WDR49: variants seen among roughly 807,000 people sequenced by gnomAD.
WDR49 encodes WD repeat domain 49, also known as cilia- and flagella-associated protein 337.
In WDR49, 107 loss-of-function variants were observed where a neutral mutation model predicts 119.5. That is an observed-to-expected ratio of 0.90 (90% confidence interval 0.77 to 1.05). The LOEUF (loss-of-function observed/expected upper bound fraction) is 1.05. WDR49 is among the 50% of genes least tolerant of loss of function. The pLI is 0.00. For synonymous variants in WDR49, 425 were observed against 418.8 expected, an observed-to-expected ratio of 1.01 and a Z score of -0.18; for missense variants, 1,240 against 1,220.5, an observed-to-expected ratio of 1.02 and a Z score of -0.24.
chr3:167,597,981 AC>A (rs1339589938), intron 7 of WDR49, among the ~76,000 whole-genome samples: 3 of 151,958 alleles, frequency 2.0e-5, no homozygotes, highest in Non-Finnish European at 4.4e-5. Context: ...ACTTTGGGGG[AC>A]CATGATGGGG....
intron 7 of WDR49, among the ~76,000 whole-genome samples, chr3:167,598,553 T>A (rs1331364665): frequency 6.6e-6 from 1 of 152,138 alleles, no homozygotes; most frequent in African/African-American, 2.4e-5. Flanking sequence ...CCCACCCCAC[T>A]CTCTTTCTCC....
chr3:167,573,391 TACACACAC>T lies in WDR49; in HGVS notation c.1509+2519_1509+2526del, dbSNP rs57955643. Among the ~76,000 whole-genome samples the T allele has an allele frequency of 9.3e-3, 1,326 of 142,356 alleles. 20 individuals are homozygous for T. Among genetic ancestry groups the T allele is most frequent in the African/African-American group, 0.031 (1,208 of 38,862 alleles). The allele number at this position is 142,356 out of a possible 152,430, so 93.4% of individuals were successfully genotyped here. ...AGAATCCAAATAGCTTTATGTGGAA[TACACACAC>T]ACACACACACACACACACACACACA... On this transcript the variant is annotated intron_variant, in intron 8 of 18. Transcript: ENST00000682715.
intron 16 of WDR49, among the ~76,000 whole-genome samples, chr3:167,517,714 T>C (rs1340209660): frequency 2.0e-5 from 3 of 148,604 alleles, no homozygotes; most frequent in African/African-American, 7.7e-5. Context: ...TTTTTTTTTC[T>C]TTTCTTTTCT....
chr3:167,508,917 A>T (rs764976280), intron 16 of WDR49, among the ~76,000 whole-genome samples: 33 of 152,202 alleles, frequency 2.2e-4, no homozygotes, highest in Non-Finnish European at 3.8e-4. Context: ...TCTCACATGA[A>T]ATCTACTGAC....
At position 167,554,639 on chromosome 3, in the gene WDR49, C is replaced by A. The variant is rs201129609; in HGVS notation, c.1823+11G>T. ...AGATTTTGATTAAAATAAAAACATTCTCCTTTTTACCTTCCTATAGTTTTC... is the reference window on the plus strand; with the variant it reads ...AGATTTTGATTAAAATAAAAACATTATCCTTTTTACCTTCCTATAGTTTTC... On this transcript the variant is annotated intron_variant, in intron 10 of 18. Coordinates refer to ENST00000682715, the MANE Select transcript of WDR49 (RefSeq NM_001366157.1). 8.5e-6 allele frequency: 12 copies of A among 1,418,416 alleles called. No homozygotes were observed. Among genetic ancestry groups the A allele is most frequent in the Non-Finnish European group, 1.2e-5 (12 of 1,033,166 alleles). 87.9% of individuals were successfully genotyped at this position (1,418,416 alleles called of 1,614,324 possible).
At chr3:167,620,404 T>C in intron 5 of WDR49, 25 bp downstream of exon 5, 1 of 1,527,222 alleles carries the variant, frequency 6.5e-7, no homozygotes, top group African/African-American at 1.4e-5. Context: ...GACCATTTAC[T>C]TTCATTACTG....
intron 6 of WDR49, 136 bp downstream of exon 6, chr3:167,604,165 A>G: frequency 1.0e-6 from 1 of 973,428 alleles, no homozygotes; most frequent in South Asian, 1.8e-5. Context: ...AGACATTCTC[A>G]GGCAGTAAAA....
chr3:167,623,214 C>A, intron 3 of WDR49, among the ~76,000 whole-genome samples: 1 of 152,014 alleles, frequency 6.6e-6, no homozygotes, highest in Admixed American at 6.6e-5. Context: ...ATACTGAAAC[C>A]AGACAAAGAC....
intron 18 of WDR49, among the ~76,000 whole-genome samples, chr3:167,498,998 A>G (rs1231585999): frequency 6.6e-6 from 1 of 152,244 alleles, no homozygotes; most frequent in African/African-American, 2.4e-5. Flanking sequence ...CCCCCAAAAG[A>G]GCCCTAAAGT....
At chr3:167,507,035 C>T (rs905622244) in intron 16 of WDR49, among the ~76,000 whole-genome samples, 1 of 152,134 alleles carries the variant, frequency 6.6e-6, no homozygotes. Context: ...ACCTCAATTA[C>T]CTGGCCACAG....
chr3:167,652,611 TAAGA>T (rs1718439373), intron 2 of WDR49, among the ~76,000 whole-genome samples: 1 of 152,218 alleles, frequency 6.6e-6, no homozygotes, highest in South Asian at 2.1e-4. Flanking sequence ...ATTCATTGAC[TAAGA>T]GAGAAGAAAA....
At chr3:167,514,238 A>G (rs1399789788) in intron 16 of WDR49, among the ~76,000 whole-genome samples, 1 of 152,186 alleles carries the variant, frequency 6.6e-6, no homozygotes, top group Non-Finnish European at 1.5e-5. Flanking sequence ...ATGCAAAAGA[A>G]CTGAAATCAT....
intron 13 of WDR49, among the ~76,000 whole-genome samples, chr3:167,530,331 C>G (rs1234373752): frequency 2.0e-5 from 3 of 151,728 alleles, no homozygotes; most frequent in Non-Finnish European, 4.4e-5. Context: ...GAAAAATATA[C>G]CCTGAAGATA....
intron 2 of WDR49, among the ~76,000 whole-genome samples, chr3:167,647,385 T>G (rs1173653400): frequency 6.6e-6 from 1 of 152,210 alleles, no homozygotes; most frequent in Non-Finnish European, 1.5e-5. Flanking sequence ...GGCAGGAAGC[T>G]GTTAGAACTT....
chr3:167,542,104 T>C (rs929897395), intron 10 of WDR49, among the ~76,000 whole-genome samples: 2 of 151,892 alleles, frequency 1.3e-5, no homozygotes, highest in Non-Finnish European at 2.9e-5. Context: ...CCTAAATACA[T>C]ATGCGCCCAA....
chr3:167,488,847 C>T (rs1751021084), intron 18 of WDR49, among the ~76,000 whole-genome samples: 1 of 152,126 alleles, frequency 6.6e-6, no homozygotes, highest in Non-Finnish European at 1.5e-5. Context: ...AGTCTCCTCA[C>T]TCCATTCTAG....
At chr3:167,518,471 T>C (rs547764997) in intron 16 of WDR49, among the ~76,000 whole-genome samples, 2 of 152,250 alleles carry the variant, frequency 1.3e-5, no homozygotes, top group South Asian at 2.1e-4. Flanking sequence ...GATTTGCATT[T>C]CTCTGATGGC....
intron 18 of WDR49, among the ~76,000 whole-genome samples, chr3:167,482,678 C>CAA (rs56753360): frequency 3.5e-4 from 25 of 71,214 alleles, no homozygotes; most frequent in African/African-American, 9.2e-4. Context: ...GACTCTGTCT[C>CAA]AAAAAAAAAA....
intron 7 of WDR49, among the ~76,000 whole-genome samples, chr3:167,579,087 C>T (rs1373639082): frequency 6.6e-6 from 1 of 152,052 alleles, no homozygotes; most frequent in African/African-American, 2.4e-5. Context: ...GTGAAGAAGG[C>T]CCTTGATTCC....
Sources: allele counts gnomAD v4.1 joint callset (sites outside exome capture counted in the v4.1 genomes callset), GRCh38; gene constraint gnomAD v4.1.1; transcripts MANE v1.5; gene names NCBI Gene and HGNC (gene_info 2026-07-23, HGNC 2026-07-21).